Variants in USH2A observed in about 807,000 individuals in gnomAD.
USH2A encodes the protein Usher syndrome 2A (autosomal recessive, mild).
USH2A carries 443 observed loss-of-function variants against 538.9 expected under a neutral mutation model. The ratio of observed to expected loss-of-function variants is 0.82; its 90% CI spans 0.76 to 0.89. The LOEUF is 0.89. Among genes scored for constraint, USH2A ranks in the 40% least tolerant of loss-of-function variants. USH2A has a pLI of 0.00. For synonymous variants in USH2A, 2,413 were observed against 2,273.5 expected, an observed-to-expected ratio of 1.06 and a Z score of -1.75; for missense variants, 6,633 against 6,324.8, an observed-to-expected ratio of 1.05 and a Z score of -1.65.
intron 35 of USH2A, among the ~76,000 whole-genome samples, chr1:215,977,024 C>G (rs1414390320): frequency 6.8e-6 from 1 of 147,482 alleles, no homozygotes; most frequent in Middle Eastern, 3.2e-3. Context: ...GTAGGGGAGG[C>G]AGTTCCTACC....
At position 215,954,718 on chromosome 1, in the gene USH2A, A is replaced by T. The variant is rs1166014885; in HGVS notation, c.7120+10599T>A. ...ACCCTAAAACTTGAAGTATAATAATAATAAAAAAAAACAATTGAAAATTTG... is the reference window on the plus strand; with the variant it reads ...ACCCTAAAACTTGAAGTATAATAATTATAAAAAAAAACAATTGAAAATTTG... On this transcript the variant is annotated intron_variant, in intron 37 of 71. Coordinates refer to ENST00000307340, the MANE Select transcript of USH2A (RefSeq NM_206933.4). Among the ~76,000 whole-genome samples the T allele has an allele frequency of 2.0e-5, 3 of 150,968 alleles. No individual in the cohort carries two copies. The East Asian group carries it at 5.9e-4, about 30-fold the overall frequency.
At chr1:215,951,702 G>A (rs1666919473) in intron 37 of USH2A, among the ~76,000 whole-genome samples, 1 of 151,966 alleles carries the variant, frequency 6.6e-6, no homozygotes, top group Non-Finnish European at 1.5e-5. Context: ...TCTCTTTGTA[G>A]GTCTCTAAGG....
At chr1:215,705,018 T>C (rs1659146320) in intron 61 of USH2A, among the ~76,000 whole-genome samples, 1 of 152,246 alleles carries the variant, frequency 6.6e-6, no homozygotes, top group South Asian at 2.1e-4. Context: ...TATCTTTTAT[T>C]TAAATACATT....
chr1:215,809,024 A>T (rs1191995301), intron 49 of USH2A, among the ~76,000 whole-genome samples: 2 of 152,134 alleles, frequency 1.3e-5, no homozygotes, highest in Non-Finnish European at 2.9e-5. Flanking sequence ...ATAATATGGT[A>T]TCTCTAAGAA....
intron 71 of USH2A, 62 bp downstream of exon 71, chr1:215,628,752 C>A: frequency 6.4e-7 from 1 of 1,556,418 alleles, no homozygotes; most frequent in Non-Finnish European, 8.9e-7. Context: ...GTACAGGCAG[C>A]TCTGTACCAA....
intron 21 of USH2A, among the ~76,000 whole-genome samples, chr1:216,100,443 T>C (rs914084260): frequency 6.6e-6 from 1 of 152,218 alleles, no homozygotes; most frequent in African/African-American, 2.4e-5. Context: ...TCTCTTAAGC[T>C]TCTCTCCTTA....
intron 4 of USH2A, among the ~76,000 whole-genome samples, chr1:216,349,750 C>A (rs766571362): frequency 3.9e-5 from 6 of 152,254 alleles, no homozygotes; most frequent in African/African-American, 9.6e-5. Context: ...CAAGAAAAAA[C>A]CATAAAAATG....
At chr1:216,313,825 AT>A (rs1244843050) in intron 9 of USH2A, among the ~76,000 whole-genome samples, 1 of 152,124 alleles carries the variant, frequency 6.6e-6, no homozygotes, top group East Asian at 1.9e-4. Context: ...TTCTCTCTGC[AT>A]TTCAAAGGCA....
chr1:215,892,245 C>T (rs1665228223), intron 40 of USH2A, among the ~76,000 whole-genome samples: 1 of 152,116 alleles, frequency 6.6e-6, no homozygotes, highest in Non-Finnish European at 1.5e-5. Context: ...TGAGTCTTCT[C>T]TACTTGTTTG....
At chr1:216,023,467 A>AAAAAAAAAAAAAAAAAAAAAAAAC (rs1668889882) in intron 32 of USH2A, among the ~76,000 whole-genome samples, 1 of 145,028 alleles carries the variant, frequency 6.9e-6, no homozygotes, top group South Asian at 2.1e-4. Flanking sequence ...GACAAAAAAA[A>AAAAAAAAAAAAAAAAAAAAAAAAC]AAAAAAAAAA....
At chr1:216,009,468 C>T (rs1668489852) in intron 32 of USH2A, among the ~76,000 whole-genome samples, 1 of 152,114 alleles carries the variant, frequency 6.6e-6, no homozygotes, top group Non-Finnish European at 1.5e-5. Context: ...TAATTCTTGT[C>T]ATAAAATAGG....
chr1:216,059,334 A>C (rs988463637), intron 30 of USH2A, among the ~76,000 whole-genome samples: 2 of 152,158 alleles, frequency 1.3e-5, no homozygotes, highest in Non-Finnish European at 2.9e-5. Context: ...AGTATAGTAC[A>C]TTTGGTTTTG....
intron 61 of USH2A, among the ~76,000 whole-genome samples, chr1:215,684,354 G>A (rs1336537420): frequency 6.6e-6 from 1 of 152,170 alleles, no homozygotes; most frequent in Non-Finnish European, 1.5e-5. Flanking sequence ...TGGCCATGGG[G>A]TCAATAGGTT....
chr1:215,957,663 G>C (rs1571846173), intron 37 of USH2A, among the ~76,000 whole-genome samples: 3 of 152,102 alleles, frequency 2.0e-5, no homozygotes, highest in African/African-American at 7.2e-5. Context: ...CTACAGCTGC[G>C]TGGTGGACGT....
chr1:216,041,904 T>C (rs894012848), intron 32 of USH2A, among the ~76,000 whole-genome samples: 4 of 152,060 alleles, frequency 2.6e-5, no homozygotes, highest in Admixed American at 2.0e-4. Flanking sequence ...CTGACAACTT[T>C]CCTGGAATAA....
In USH2A at chr1:216,048,589, A is replaced by C. The variant is rs760473583; in HGVS notation, c.6108T>G (p.Thr2036=). 6.2e-7 allele frequency: 1 copy of C among 1,614,132 alleles called. No individual in the cohort carries two copies. The highest frequency in any genetic ancestry group is 1.1e-5 in the South Asian group (1 of 91,082). ...GTGAGCTCTCAGTACAGCCAGCCAA[A>C]GTGCAAGCAGTTAGGGTTACTGCAT... is the stretch of plus-strand genomic sequence containing the variant. The part of the protein sequence containing the change: ...KNYAVTLTAC[T]LAGCTESSHA... The change falls in exon 31 of 72, where the codon ACT becomes ACG. Residue 2036 remains threonine (T), a synonymous_variant. Coordinates refer to ENST00000307340, the MANE Select transcript of USH2A (RefSeq NM_206933.4).
chr1:216,032,828 C>T (rs890744078), intron 32 of USH2A, among the ~76,000 whole-genome samples: 4 of 152,254 alleles, frequency 2.6e-5, no homozygotes, highest in African/African-American at 9.6e-5. Flanking sequence ...GGCCTTACCA[C>T]TGCAAGAAAC....
At chr1:215,983,764 C>T (rs545309357) in intron 35 of USH2A, among the ~76,000 whole-genome samples, 5 of 152,276 alleles carry the variant, frequency 3.3e-5, no homozygotes, top group African/African-American at 1.2e-4. Flanking sequence ...CTCCTATTTA[C>T]AAAGATGCGG....
chr1:215,633,450 C>T (rs1042654946), intron 70 of USH2A, among the ~76,000 whole-genome samples: 7 of 152,166 alleles, frequency 4.6e-5, no homozygotes, highest in African/African-American at 1.7e-4. Context: ...AGGTCTGATC[C>T]AGCTATGTTG....
Sources: gnomAD v4.1 joint callset for allele counts (sites outside exome capture counted in the v4.1 genomes callset) on GRCh38, gnomAD v4.1.1 for gene constraint, MANE v1.5 for transcripts, NCBI Gene and HGNC (gene_info 2026-07-23, HGNC 2026-07-21) for gene names.